The following UBR3 variants were observed in gnomAD, a reference collection of about 807,000 sequenced individuals.
UBR3 encodes the protein ubiquitin protein ligase E3 component n-recognin 3, also known as E3 ubiquitin-protein ligase UBR3.
Under a neutral mutation model 243.2 loss-of-function variants are expected in UBR3, and 85 were observed. That is an observed-to-expected ratio of 0.35 (90% CI 0.29 to 0.42). The LOEUF (loss-of-function observed/expected upper bound fraction) is 0.42, where lower values mean the gene tolerates loss of function less well. UBR3 is among the 10% of genes least tolerant of loss of function. The pLI, the probability that UBR3 is intolerant of heterozygous loss-of-function variation, is 1.00. For synonymous variants in UBR3, 748 were observed against 799.8 expected, an observed-to-expected ratio of 0.94 and a Z score of 1.09; for missense variants, 1,686 against 2,300.8, an observed-to-expected ratio of 0.73 and a Z score of 5.47.
intron 5 of UBR3, among the ~76,000 whole-genome samples, chr2:169,881,068 C>G (rs1204757794): frequency 6.6e-6 from 1 of 152,078 alleles, no homozygotes; most frequent in Non-Finnish European, 1.5e-5. Context: ...TTATTTCAGC[C>G]CCTAGTCTCT....
intron 24 of UBR3, among the ~76,000 whole-genome samples, chr2:169,971,844 C>CAATTAAAAGAACTAGAAAAGCAAG (rs1304844936): frequency 6.6e-6 from 1 of 152,000 alleles, no homozygotes; most frequent in Non-Finnish European, 1.5e-5. Context: ...CTAACATTCA[C>CAATTAAAAGAACTAGAAAAGCAAG]AATTAAAAGA....
chr2:170,061,114 A>G lies in UBR3; in HGVS notation c.4821A>G (p.Leu1607=). 6.3e-7 allele frequency: 1 copy of G among 1,598,142 alleles called. No homozygotes were observed. Among genetic ancestry groups the G allele is most frequent in the Non-Finnish European group, 8.5e-7 (1 of 1,175,600 alleles). The part of the protein sequence containing the change: ...TCDAEKSYEV[L]LSFVISELFK... Reference sequence around the variant, plus strand: ...ATGCAGAAAAGTCTTACGAAGTATTACTGAGCTTTGTGATAAGTGAACTAT... The same window carrying G: ...ATGCAGAAAAGTCTTACGAAGTATTGCTGAGCTTTGTGATAAGTGAACTAT... Residue 1607 remains leucine, a synonymous_variant, in exon 34 of 39, where the codon TTA becomes TTG. Transcript: ENST00000272793.
chr2:169,899,226 C>T (rs886298283), intron 8 of UBR3, among the ~76,000 whole-genome samples: 1 of 137,004 alleles, frequency 7.3e-6, no homozygotes, highest in Non-Finnish European at 1.6e-5. Flanking sequence ...GTGATCCACC[C>T]ACCTCGGCCT....
rs538566276 is a variant in UBR3, at chr2:170,025,308, G to A, written c.4454-4038G>A. On this transcript the variant is annotated intron_variant, in intron 30 of 38. Transcript: ENST00000272793. ...TGAAATAGATAGCACAAGGTATGGA[G>A]AATGCATAAAGTAAGGGGATAATCT... is the stretch of plus-strand genomic sequence containing the variant. 3.9e-5 allele frequency among the ~76,000 whole-genome samples: 6 copies of A among 152,196 alleles called. No individual in the cohort carries two copies. The East Asian group carries it at 9.7e-4, about 25-fold the overall frequency.
At chr2:170,072,748 G>A (rs2091727333) in intron 35 of UBR3, among the ~76,000 whole-genome samples, 1 of 152,100 alleles carries the variant, frequency 6.6e-6, no homozygotes, top group Non-Finnish European at 1.5e-5. Flanking sequence ...AATTGATTCT[G>A]TGGACAAGGG....
At chr2:169,906,625 C>T (rs886191406) in intron 10 of UBR3, among the ~76,000 whole-genome samples, 2 of 151,994 alleles carry the variant, frequency 1.3e-5, no homozygotes, top group East Asian at 1.9e-4. Flanking sequence ...CAAATGGAAT[C>T]CCCTGACCCT....
At chr2:169,988,263 T>C (rs2089117768) in intron 25 of UBR3, among the ~76,000 whole-genome samples, 1 of 152,224 alleles carries the variant, frequency 6.6e-6, no homozygotes. Context: ...TTCATAGATA[T>C]TTATTGAGCT....
At chr2:169,928,104 C>T (rs1441864204) in intron 17 of UBR3, among the ~76,000 whole-genome samples, 1 of 152,114 alleles carries the variant, frequency 6.6e-6, no homozygotes, top group Non-Finnish European at 1.5e-5. Flanking sequence ...GTTTGACAAC[C>T]TTGATTTTTG....
chr2:170,077,460 G>A, intron 36 of UBR3: 17 of 1,469,532 alleles, frequency 1.2e-5, no homozygotes, highest in Non-Finnish European at 1.5e-5. Context: ...GTGTTACATG[G>A]GCTTTCTTGA....
At chr2:170,036,949 T>C (rs2090847795) in intron 31 of UBR3, among the ~76,000 whole-genome samples, 1 of 152,296 alleles carries the variant, frequency 6.6e-6, no homozygotes, top group South Asian at 2.1e-4. Flanking sequence ...ATAACTAGTA[T>C]TACAATGTGT....
intron 27 of UBR3, 49 bp downstream of exon 27, chr2:170,001,463 A>C (rs374965825): frequency 4.2e-6 from 5 of 1,185,780 alleles, no homozygotes; most frequent in African/African-American, 1.5e-5. Context: ...CTTTCCAGGT[A>C]TTAAATCTTT....
At chr2:169,837,288 C>T (rs1450759727) in intron 1 of UBR3, among the ~76,000 whole-genome samples, 4 of 152,184 alleles carry the variant, frequency 2.6e-5, no homozygotes, top group Non-Finnish European at 5.9e-5. Flanking sequence ...ACCAGCCTGA[C>T]CAACATGGAG....
intron 1 of UBR3, among the ~76,000 whole-genome samples, chr2:169,843,044 T>C (rs189446442): frequency 6.6e-6 from 1 of 152,240 alleles, no homozygotes; most frequent in African/African-American, 2.4e-5. Context: ...AATGCTTCTT[T>C]TATGGCAATC....
intron 9 of UBR3, among the ~76,000 whole-genome samples, 196 bp downstream of exon 9, chr2:169,905,489 T>C (rs539781104): frequency 3.3e-5 from 5 of 152,208 alleles, no homozygotes; most frequent in Non-Finnish European, 5.9e-5. Context: ...GTCAAATGAT[T>C]GAAAAAGAAA....
intron 30 of UBR3, among the ~76,000 whole-genome samples, chr2:170,016,537 A>C (rs1559189838): frequency 6.6e-6 from 1 of 151,932 alleles, no homozygotes; most frequent in African/African-American, 2.4e-5. Flanking sequence ...TAATAGATAT[A>C]ATAATCATTT....
At chr2:169,914,799 G>A (rs752099631) in intron 11 of UBR3, among the ~76,000 whole-genome samples, 15 of 151,936 alleles carry the variant, frequency 9.9e-5, no homozygotes, top group Non-Finnish European at 1.5e-4. Flanking sequence ...ACACAGAACC[G>A]TTGCTGTGTG....
At chr2:169,890,544 T>TATATACACAC (rs1574133709) in intron 5 of UBR3, among the ~76,000 whole-genome samples, 1 of 56,132 alleles carries the variant, frequency 1.8e-5, no homozygotes, top group East Asian at 5.0e-4. Flanking sequence ...GAGAGAGATA[T>TATATACACAC]ATATATATAT....
chr2:169,966,111 G>A (rs1385686858), intron 24 of UBR3, among the ~76,000 whole-genome samples: 1 of 152,116 alleles, frequency 6.6e-6, no homozygotes, highest in Non-Finnish European at 1.5e-5. Context: ...TTTCCTACAT[G>A]AAGAGGCAGT....
intron 1 of UBR3, among the ~76,000 whole-genome samples, chr2:169,861,005 TCAAGGGCAGGATGCATCCAG>T (rs1412741194): frequency 6.6e-6 from 1 of 152,180 alleles, no homozygotes; most frequent in Non-Finnish European, 1.5e-5. Context: ...TATCTGATGT[TCAAGGGCAGGATGCATCCAG>T]CACGGGAGAA....
Sources: allele counts gnomAD v4.1 joint callset (sites outside exome capture counted in the v4.1 genomes callset), GRCh38; gene constraint gnomAD v4.1.1; transcripts MANE v1.5; gene names NCBI Gene and HGNC (gene_info 2026-07-23, HGNC 2026-07-21).